The following STX1A variants were observed in gnomAD, a reference collection of about 807,000 sequenced individuals.
STX1A encodes syntaxin 1A, also known as syntaxin-1A.
STX1A carries 4 observed loss-of-function variants against 37.8 expected under a neutral mutation model. The ratio of observed to expected loss-of-function variants is 0.11; its 90% confidence interval spans 0.05 to 0.24. STX1A has a LOEUF of 0.24. Among genes scored for constraint, STX1A ranks in the 10% least tolerant of loss-of-function variants. The pLI is 1.00. For missense variants in STX1A, 251 were observed against 399.9 expected, an observed-to-expected ratio of 0.63 and a Z score of 3.18; for synonymous variants, 135 against 147.4, an observed-to-expected ratio of 0.92 and a Z score of 0.61.
At chr7:73,701,536 A>G (rs1345066744) in intron 8 of STX1A, among the ~76,000 whole-genome samples, 1 of 148,654 alleles carries the variant, frequency 6.7e-6, no homozygotes, top group African/African-American at 2.5e-5. Context: ...AAGAAAAAGA[A>G]AAAAAAAAAA....
rs1243754982 is a variant in STX1A at position 73,702,273 on chromosome 7, C to T, written c.678+572G>A. Among the ~76,000 whole-genome samples the T allele has an allele frequency of 6.6e-6, 1 of 152,184 alleles. No individual in the cohort carries two copies. The highest frequency in any genetic ancestry group is 1.5e-5 in the Non-Finnish European group (1 of 68,034). Reference sequence around the variant, plus strand: ...AAAGGCAGCCGCCCCATCGTGGTCACGGTGTTACTCTGTGTAACTTTGGAA... The same window carrying T: ...AAAGGCAGCCGCCCCATCGTGGTCATGGTGTTACTCTGTGTAACTTTGGAA... On this transcript the variant is annotated intron_variant, in intron 8 of 9. Transcript: ENST00000222812. The surrounding 1 kb of genome is among the most constrained non-coding windows in gnomAD (Gnocchi z 4.7).
Position 73,700,622 on chromosome 7 carries a change from G to T in STX1A, c.789+108C>A. On this transcript the variant is annotated intron_variant, in intron 9 of 9. Coordinates refer to ENST00000222812, the MANE Select transcript of STX1A (RefSeq NM_004603.4). This position sits in a 1 kb window ranked among gnomAD's most constrained non-coding sequence, Gnocchi z 4.4. ...GACGGCCTGGGAGGGGGCTGTCATG[G>T]GGAGCTCCTGAGAGAAGGGAGAGAG... The T allele has an allele frequency of 6.6e-7, 1 of 1,519,418 alleles. No homozygotes were observed. Among genetic ancestry groups the T allele is most frequent in the East Asian group, 2.3e-5 (1 of 42,654 alleles). 94.1% of individuals were successfully genotyped at this position (1,519,418 alleles called of 1,614,324 possible).
intron 3 of STX1A, among the ~76,000 whole-genome samples, chr7:73,708,148 C>T (rs148598656): frequency 0.033 from 4,886 of 150,222 alleles, 266 homozygotes; most frequent in African/African-American, 0.11. Context: ...CCTGTAATCC[C>T]AGCTACTTGG....
chr7:73,703,623 G>T, intron 7 of STX1A, 132 bp downstream of exon 7: 1 of 1,074,876 alleles, frequency 9.3e-7, no homozygotes, highest in Non-Finnish European at 1.4e-6. Flanking sequence ...CCCTCTCTGG[G>T]ACTCTTCCTT....
chr7:73,702,949 G>C lies in STX1A; in HGVS notation c.574C>G (p.Leu192Val). 6.2e-7 allele frequency: 1 copy of C among 1,612,710 alleles called. No homozygotes were observed. Among genetic ancestry groups the C allele is most frequent in the Non-Finnish European group, 8.5e-7 (1 of 1,179,760 alleles). The change falls in exon 8 of 10, where the codon CTG becomes GTG. Residue 192 changes from leucine to valine, a missense_variant. Leu to Val is a conservative substitution (Grantham distance 32, BLOSUM62 1). This residue lies in a region of STX1A where 214 missense variants were observed against 367.6 expected (regional missense o/e 0.58). Coordinates refer to ENST00000222812, the MANE Select transcript of STX1A (RefSeq NM_004603.4). The surrounding 1 kb of genome is among the most constrained non-coding windows in gnomAD (Gnocchi z 4.7). ...CTGTGCCGCGTCTCAATCTCGCTCA[G>C]AGCCTGCTTCGAGATGCTGGAGTCC... ...IMDSSISKQA[L>V]SEIETRHSEI...
intron 3 of STX1A, among the ~76,000 whole-genome samples, chr7:73,707,187 C>A (rs1236098604): frequency 6.6e-6 from 1 of 152,166 alleles, no homozygotes; most frequent in Non-Finnish European, 1.5e-5. Context: ...CATGGTGAGC[C>A]CCCCTCCAGG....
intron 8 of STX1A, among the ~76,000 whole-genome samples, chr7:73,701,374 T>C (rs1332041491): frequency 6.6e-6 from 1 of 151,844 alleles, no homozygotes; most frequent in East Asian, 1.9e-4. Flanking sequence ...ATACAAAAAT[T>C]AGCTGGGCGT....
rs1799424088 is a variant in STX1A, at chr7:73,719,606, C to A, written c.26G>T (p.Arg9Leu). 4.1e-6 allele frequency: 5 copies of A among 1,206,570 alleles called. No homozygotes were observed. In the South Asian group the frequency reaches 2.1e-4, roughly 50 times the overall value. 74.7% of individuals were successfully genotyped at this position (1,206,570 alleles called of 1,614,324 possible). ...GCGCGCTGGGGCCGGACTCACCGTG[C>A]GGAGCTCCTGGGTTCGGTCCTTCAT... The part of the protein sequence containing the change: MKDRTQEL[R>L]TAKDSDDDDD... The change falls in exon 1 of 10, where the codon CGC becomes CTC. Residue 9 changes from arginine (R) to leucine (L), a missense_variant. This residue lies in a region of STX1A where 37 missense variants were observed against 32.3 expected (regional missense o/e 1.15). Coordinates refer to ENST00000222812, the MANE Select transcript of STX1A (RefSeq NM_004603.4).
intron 1 of STX1A, among the ~76,000 whole-genome samples, chr7:73,718,044 C>A (rs1799351688): frequency 6.6e-6 from 1 of 152,130 alleles, no homozygotes; most frequent in African/African-American, 2.4e-5. Flanking sequence ...CCACACACAC[C>A]CTCAGGTAAC....
intron 7 of STX1A, chr7:73,703,288 C>T: frequency 1.8e-6 from 1 of 547,122 alleles, no homozygotes; most frequent in Non-Finnish European, 3.4e-6. Flanking sequence ...AAGTTGACTG[C>T]CCCGTGGACC....
rs1554615639 is a variant in STX1A, at chr7:73,700,372, G to A, written c.*35C>T. ...CAGCAGCCAGGGCCTCCTTGGAGTG[G>A]CCCACCTGGAGTGGAGTGGCAGTTT... On this transcript the variant is annotated 3_prime_UTR_variant, in exon 10 of 10. Coordinates refer to ENST00000222812, the MANE Select transcript of STX1A (RefSeq NM_004603.4). The surrounding 1 kb of genome is among the most constrained non-coding windows in gnomAD (Gnocchi z 4.4). The A allele has an allele frequency of 1.2e-6, 2 of 1,607,786 alleles. No homozygotes were observed. The highest frequency in any genetic ancestry group is 8.5e-7 in the Non-Finnish European group (1 of 1,174,354).
chr7:73,719,483 G>T, intron 1 of STX1A, 119 bp downstream of exon 1: 1 of 1,024,276 alleles, frequency 9.8e-7, no homozygotes, highest in Non-Finnish European at 1.2e-6. Context: ...GCTCCCTTCA[G>T]CCCTGGCTGG....
At position 73,709,147 on chromosome 7, in the gene STX1A, G is replaced by A. The variant is rs1405101861; in HGVS notation, c.31-25C>T. 1.2e-6 allele frequency: 2 copies of A among 1,608,838 alleles called. No individual in the cohort carries two copies. Among genetic ancestry groups the A allele is most frequent in the Non-Finnish European group, 1.7e-6 (2 of 1,179,546 alleles). ...CCTGTGCGGGGTTGTGCACACATAA[G>A]TGGACGTATGTACAGGACCCACCTG... On this transcript the variant is annotated intron_variant, in intron 1 of 9. Coordinates refer to ENST00000222812, the MANE Select transcript of STX1A (RefSeq NM_004603.4). The surrounding 1 kb of genome is among the most constrained non-coding windows in gnomAD (Gnocchi z 4.2).
intron 1 of STX1A, among the ~76,000 whole-genome samples, chr7:73,712,890 T>C (rs757194995): frequency 6.6e-6 from 1 of 152,322 alleles, no homozygotes; most frequent in South Asian, 2.1e-4. Context: ...TCTCCTGTCA[T>C]ACAGCACACA....
chr7:73,712,494 C>T (rs1799140478), intron 1 of STX1A, among the ~76,000 whole-genome samples: 1 of 152,060 alleles, frequency 6.6e-6, no homozygotes. Flanking sequence ...GTATCTCGCA[C>T]CTTGTTCTTC....
At position 73,706,726 on chromosome 7, in the gene STX1A, G is replaced by A. The variant is rs572809768; in HGVS notation, c.209-1502C>T. The stretch of plus-strand genomic sequence containing the variant: ...ACTCCCCTGCTCTTTAGAGCCCTCC[G>A]TCCCCACCCCACAATCAGCCACCTC... On this transcript the variant is annotated intron_variant, in intron 3 of 9. Coordinates refer to ENST00000222812, the MANE Select transcript of STX1A (RefSeq NM_004603.4). This position sits in a 1 kb window ranked among gnomAD's most constrained non-coding sequence, Gnocchi z 4.6. Among the ~76,000 whole-genome samples, 20 of 151,894 alleles carry A rather than the reference G, an allele frequency of 1.3e-4. No homozygotes were observed. The highest frequency in any genetic ancestry group is 4.2e-4 in the South Asian group (2 of 4,804).
Position 73,709,071 on chromosome 7 carries a change from G to A in STX1A, c.82C>T (p.Arg28Cys), listed in dbSNP as rs782703876. 3.1e-6 allele frequency: 5 copies of A among 1,613,974 alleles called. No individual in the cohort carries two copies. Among genetic ancestry groups the A allele is most frequent in the East Asian group, 2.2e-5 (1 of 44,882 alleles). ...DDVAVTVDRD[R>C]FMDEFFEQVE... is the part of the protein sequence containing the mutation. The stretch of plus-strand genomic sequence containing the variant: ...TGCTCAAAGAACTCATCCATGAAGC[G>A]GTCTCGGTCCACGGTGACAGCGACA... Residue 28 changes from arginine to cysteine, a missense_variant, in exon 2 of 10, where the codon CGC (arginine) becomes TGC (cysteine). Arg to Cys is a radical substitution (Grantham distance 180). Coordinates refer to ENST00000222812, the MANE Select transcript of STX1A (RefSeq NM_004603.4). The surrounding 1 kb of genome is among the most constrained non-coding windows in gnomAD (Gnocchi z 4.2).
intron 8 of STX1A, among the ~76,000 whole-genome samples, chr7:73,701,889 G>A (rs1363533890): frequency 2.0e-5 from 3 of 152,244 alleles, no homozygotes; most frequent in Non-Finnish European, 4.4e-5. Context: ...CAGGAGTTCC[G>A]AGACCAGCCT....
rs1488636643 is a variant in STX1A at position 73,714,472 on chromosome 7, C to G, written c.30+5130G>C. Among the ~76,000 whole-genome samples the G allele has an allele frequency of 1.3e-5, 2 of 152,040 alleles. 1 individual carries two copies. Among genetic ancestry groups the G allele is most frequent in the African/African-American group, 4.8e-5 (2 of 41,398 alleles). The stretch of plus-strand genomic sequence containing the variant: ...CTGGAGTGCAGTGGCAAGATCATAG[C>G]TCACTGCAGCCTTGATCTCCCAGGC... On this transcript the variant is annotated intron_variant, in intron 1 of 9. Transcript: ENST00000222812.
Sources: allele counts gnomAD v4.1 joint callset (sites outside exome capture counted in the v4.1 genomes callset), GRCh38; gene constraint gnomAD v4.1.1; regional missense constraint gnomAD v4.1.1; non-coding constraint Gnocchi (gnomAD v3.1); transcripts MANE v1.5; gene names NCBI Gene and HGNC (gene_info 2026-07-23, HGNC 2026-07-21).